ZMIZ1: variants seen among roughly 807,000 people sequenced by gnomAD.
ZMIZ1 encodes the protein zinc finger MIZ-type containing 1.
Under a neutral mutation model 113.9 loss-of-function variants are expected in ZMIZ1, and 17 were observed. The ratio of observed to expected loss-of-function variants is 0.15; its 90% CI spans 0.10 to 0.22. ZMIZ1 has a LOEUF of 0.22. Among genes scored for constraint, ZMIZ1 ranks in the 10% least tolerant of loss-of-function variants. The pLI, the probability that ZMIZ1 is intolerant of heterozygous loss-of-function variation, is 1.00. For synonymous variants in ZMIZ1, 607 were observed against 603.1 expected (o/e 1.01, Z -0.09); for missense variants, 1,059 against 1,477.8 (o/e 0.72, Z 4.65).
chr10:79,301,267 A>G (rs144119654), intron 17 of ZMIZ1, among the ~76,000 whole-genome samples: 384 of 152,112 alleles, frequency 2.5e-3, no homozygotes, highest in African/African-American at 8.7e-3. Context: ...TCATTGGTGC[A>G]GTTCTGTGTT....
In ZMIZ1 at chr10:79,252,706, G is replaced by A. The variant is rs564860940; in HGVS notation, c.281-24475G>A. On this transcript the variant is annotated intron_variant, in intron 7 of 24. Transcript: ENST00000334512. ...AGCTACAGGAGTCACCATGTAGGCT[G>A]CCCACTGAGTGTGTGAGTGTGTGCA... is the stretch of plus-strand genomic sequence containing the variant. Among the ~76,000 whole-genome samples, 16 of 152,322 alleles carry A rather than the reference G, an allele frequency of 1.1e-4. No individual in the cohort carries two copies. The South Asian group carries it at 3.3e-3, about 32-fold the overall frequency.
chr10:79,232,894 G>GC (rs1278797041), intron 7 of ZMIZ1, among the ~76,000 whole-genome samples: 4 of 152,152 alleles, frequency 2.6e-5, no homozygotes, highest in African/African-American at 7.2e-5. Flanking sequence ...AGCACCACCT[G>GC]CCCCCTGGGG....
intron 4 of ZMIZ1, among the ~76,000 whole-genome samples, chr10:79,180,009 C>T (rs1310154014): frequency 1.3e-5 from 2 of 152,262 alleles, no homozygotes; most frequent in Non-Finnish European, 2.9e-5. Flanking sequence ...CTCATCCACT[C>T]GTTCTGTCTC....
rs540183132 is a variant in ZMIZ1 at position 79,273,316 on chromosome 10, TC to T, written c.281-3862del. Reference sequence around the variant, plus strand: ...CCCCTTTCTGTGGCTGAACCTCTGCTCCCAACAGCCCCTCCTGCTTCTTGGT... The same window carrying T: ...CCCCTTTCTGTGGCTGAACCTCTGCTCCAACAGCCCCTCCTGCTTCTTGGT... On this transcript the variant is annotated intron_variant, in intron 7 of 24. Transcript: ENST00000334512. Among the ~76,000 whole-genome samples the T allele has an allele frequency of 2.9e-3, 440 of 152,126 alleles. 2 individuals carry two copies. Among genetic ancestry groups the T allele is most frequent in the Non-Finnish European group, 4.4e-3 (302 of 68,018 alleles).
Position 79,311,073 on chromosome 10 carries a change from G to T in ZMIZ1, c.2985G>T (p.Gln995His), listed in dbSNP as rs1328460776. The T allele has an allele frequency of 5.6e-6, 9 of 1,613,464 alleles. No individual in the cohort carries two copies. The highest frequency in any genetic ancestry group is 7.6e-6 in the Non-Finnish European group (9 of 1,180,026). The change falls in exon 24 of 25, where the codon CAG (glutamine) becomes CAT (histidine). Residue 995 changes from glutamine (Q) to histidine (H), a missense_variant. Physicochemically the swap from Gln to His is conservative, Grantham distance 24. Coordinates refer to ENST00000334512, the MANE Select transcript of ZMIZ1 (RefSeq NM_020338.4). ...PPSQPPRQPP[Q>H]AAPSSHPHSD... ...CCCAGCCTCCCCGGCAGCCGCCACA[G>T]GCCGCTCCCAGCAGCCATCCACACA...
At chr10:79,078,312 AACTG>A (rs1253991166) in intron 1 of ZMIZ1, among the ~76,000 whole-genome samples, 1 of 152,092 alleles carries the variant, frequency 6.6e-6, no homozygotes, top group East Asian at 1.9e-4. Context: ...TATGAATGGT[AACTG>A]ACTGGAACTT....
At chr10:79,132,391 G>A (rs896789384) in intron 2 of ZMIZ1, among the ~76,000 whole-genome samples, 1 of 152,160 alleles carries the variant, frequency 6.6e-6, no homozygotes, top group Non-Finnish European at 1.5e-5. Flanking sequence ...CCAGGTCCTC[G>A]TGCAGGTGTC....
chr10:79,088,021 C>T (rs1267310304), intron 1 of ZMIZ1, among the ~76,000 whole-genome samples: 1 of 152,236 alleles, frequency 6.6e-6, no homozygotes, highest in Non-Finnish European at 1.5e-5. Context: ...GCGCTCCCTG[C>T]AAGTTGAATA....
At chr10:79,212,837 G>A (rs1045472097) in intron 6 of ZMIZ1, among the ~76,000 whole-genome samples, 13 of 152,150 alleles carry the variant, frequency 8.5e-5, no homozygotes, top group Admixed American at 7.2e-4. Context: ...ACTCTTGGGT[G>A]TAAGCTATCC....
chr10:79,137,181 CCTGTG>C (rs1393536079), intron 2 of ZMIZ1, among the ~76,000 whole-genome samples: 2 of 152,218 alleles, frequency 1.3e-5, no homozygotes, highest in African/African-American at 4.8e-5. Context: ...GTGGCCCAGC[CCTGTG>C]CTGCCCACTT....
chr10:79,270,778 T>C (rs1339709165), intron 7 of ZMIZ1, among the ~76,000 whole-genome samples: 5 of 152,132 alleles, frequency 3.3e-5, no homozygotes, highest in Admixed American at 3.3e-4. Flanking sequence ...TATCTGGATC[T>C]TATCTACTAA....
chr10:79,222,563 G>A (rs924213798), intron 7 of ZMIZ1, among the ~76,000 whole-genome samples: 18 of 152,284 alleles, frequency 1.2e-4, no homozygotes, highest in Admixed American at 1.2e-3. Flanking sequence ...ACAGTCCCCA[G>A]AGGAACTGAC....
chr10:79,182,306 C>A (rs12240843), intron 4 of ZMIZ1, among the ~76,000 whole-genome samples: 5,893 of 152,266 alleles, frequency 0.039, 397 homozygotes, highest in African/African-American at 0.13. Flanking sequence ...GGCTGCCTGG[C>A]TGCCTCCAGC....
intron 2 of ZMIZ1, among the ~76,000 whole-genome samples, chr10:79,127,605 A>G (rs1844576039): frequency 6.6e-6 from 1 of 152,098 alleles, no homozygotes; most frequent in African/African-American, 2.4e-5. Context: ...CAGAGGGGGA[A>G]CTGGAGTCAG....
In ZMIZ1 at chr10:79,277,281, C is replaced by T; in HGVS notation, c.381C>T (p.Pro127=). 3.1e-6 allele frequency: 5 copies of T among 1,601,762 alleles called. No homozygotes were observed. Among genetic ancestry groups the T allele is most frequent in the Non-Finnish European group, 4.3e-6 (5 of 1,174,862 alleles). ...CCCCTGGGAAACTCCCCATGCAGCC[C>T]CCTCTCAGCTCCATGAGCTCCATGA... ...SDPPGKLPMQ[P]PLSSMSSMKP... is the part of the protein sequence containing the mutation. Residue 127 remains proline (P), a synonymous_variant, in exon 8 of 25, where the codon CCC becomes CCT. Coordinates refer to ENST00000334512, the MANE Select transcript of ZMIZ1 (RefSeq NM_020338.4).
At chr10:79,245,426 T>C (rs1279660107) in intron 7 of ZMIZ1, among the ~76,000 whole-genome samples, 1 of 152,252 alleles carries the variant, frequency 6.6e-6, no homozygotes, top group Middle Eastern at 3.4e-3. Context: ...GTGCCAACTG[T>C]GGTGCCTGGC....
intron 1 of ZMIZ1, among the ~76,000 whole-genome samples, chr10:79,081,196 C>G (rs1344868899): frequency 1.3e-5 from 2 of 152,186 alleles, no homozygotes; most frequent in Admixed American, 1.3e-4. Flanking sequence ...TGAATTGGTC[C>G]TCAGGAAGTC....
At chr10:79,091,630 G>C (rs116640836) in intron 1 of ZMIZ1, among the ~76,000 whole-genome samples, 16 of 152,290 alleles carry the variant, frequency 1.1e-4, no homozygotes, top group African/African-American at 3.9e-4. Context: ...GGATGGAGAG[G>C]CTTTAGCTAG....
chr10:79,239,972 C>T (rs1010204715), intron 7 of ZMIZ1, among the ~76,000 whole-genome samples: 3 of 149,526 alleles, frequency 2.0e-5, no homozygotes, highest in Admixed American at 1.3e-4. Context: ...GTAAAGCATC[C>T]TCCCTCCCCT....
Sources: gnomAD v4.1 joint callset for allele counts (sites outside exome capture counted in the v4.1 genomes callset) on GRCh38, gnomAD v4.1.1 for gene constraint, MANE v1.5 for transcripts, NCBI Gene and HGNC (gene_info 2026-07-23, HGNC 2026-07-21) for gene names.